The following CDH17 variants were observed in gnomAD, a reference collection of about 807,000 sequenced individuals.
CDH17 encodes the protein cadherin-17.
Under a neutral mutation model 86.3 loss-of-function variants are expected in CDH17, and 67 were observed. The observed-to-expected ratio is 0.78, with a 90% CI of 0.64 to 0.95. CDH17 has a LOEUF of 0.95. Ranked by LOEUF, CDH17 falls within the 40% of genes least tolerant of loss-of-function variation. The probability of loss-of-function intolerance (pLI) is 0.00; values close to 1 mark genes in which losing one functional copy is unlikely to be tolerated. For missense variants in CDH17, 993 were observed against 1,017.6 expected, an observed-to-expected ratio of 0.98 and a Z score of 0.33; for synonymous variants, 367 against 366.4, an observed-to-expected ratio of 1.00 and a Z score of -0.02.
At chr8:94,163,525 T>TC (rs1359040545) in intron 10 of CDH17, among the ~76,000 whole-genome samples, 1 of 152,204 alleles carries the variant, frequency 6.6e-6, no homozygotes, top group Non-Finnish European at 1.5e-5. Flanking sequence ...TGGGGGATGC[T>TC]CCCCTCCCTG....
At chr8:94,194,454 G>T (rs1813742559) in intron 2 of CDH17, among the ~76,000 whole-genome samples, 181 bp downstream of exon 2, 1 of 152,198 alleles carries the variant, frequency 6.6e-6, no homozygotes, top group African/African-American at 2.4e-5. Context: ...CATGTGATTT[G>T]TAGCCATTTC....
At chr8:94,134,282 C>A (rs1406269210) in intron 15 of CDH17, among the ~76,000 whole-genome samples, 1 of 152,158 alleles carries the variant, frequency 6.6e-6, no homozygotes, top group Admixed American at 6.5e-5. Context: ...TCCATCTGAT[C>A]CTGGACTTTT....
intron 1 of CDH17, 32 bp from the exon 2 acceptor site, chr8:94,194,737 T>A: frequency 1.8e-6 from 2 of 1,139,194 alleles, no homozygotes; most frequent in Non-Finnish European, 2.6e-6. Context: ...AAATGGTTAG[T>A]TACCAGTCTG....
chr8:94,129,743 C>CA (rs978442562), intron 17 of CDH17, among the ~76,000 whole-genome samples: 2 of 152,102 alleles, frequency 1.3e-5, no homozygotes, highest in Non-Finnish European at 2.9e-5. Context: ...TTTGGGGTAC[C>CA]AACTTGATGT....
At chr8:94,209,395 A>G (rs564072819), upstream of CDH17, among the ~76,000 whole-genome samples, 41 of 152,122 alleles carry the variant, frequency 2.7e-4, no homozygotes, top group South Asian at 7.7e-3. Context: ...GGACCTTCTC[A>G]TGTTCATTTC....
At chr8:94,191,380 T>C (rs1813686443) in intron 2 of CDH17, among the ~76,000 whole-genome samples, 1 of 151,368 alleles carries the variant, frequency 6.6e-6, no homozygotes, top group Non-Finnish European at 1.5e-5. Context: ...CTGAGGAAAA[T>C]AAACCCCTAT....
intron 1 of CDH17, among the ~76,000 whole-genome samples, chr8:94,200,187 C>T (rs1425853074): frequency 6.6e-6 from 1 of 152,182 alleles, no homozygotes; most frequent in African/African-American, 2.4e-5. Flanking sequence ...CCTACACTTC[C>T]TCCTTCCATG....
At position 94,130,571 on chromosome 8, in the gene CDH17, G is replaced by A. The variant is rs117852687; in HGVS notation, c.2398+55C>T. 655 of 1,213,108 alleles carry A rather than the reference G, an allele frequency of 5.4e-4. 4 individuals are homozygous for A. The highest frequency in any genetic ancestry group is 3.7e-4 in the Non-Finnish European group (313 of 841,912). 75.1% of individuals were successfully genotyped at this position (1,213,108 alleles called of 1,614,324 possible). ...TCCAGGAAGACAGGCCCTGAGATGA[G>A]CTCACATTTCTGAGGCCCAGGATAA... On this transcript the variant is annotated intron_variant, in intron 17 of 17. Coordinates refer to ENST00000027335, the MANE Select transcript of CDH17 (RefSeq NM_004063.4).
chr8:94,146,977 A>C (rs570925454), intron 14 of CDH17, among the ~76,000 whole-genome samples: 23 of 151,788 alleles, frequency 1.5e-4, no homozygotes, highest in African/African-American at 5.6e-4. Flanking sequence ...GTCTATGTCC[A>C]TGGCTATACT....
At chr8:94,157,681 C>A (rs1026282158) in intron 12 of CDH17, among the ~76,000 whole-genome samples, 1 of 152,178 alleles carries the variant, frequency 6.6e-6, no homozygotes, top group Admixed American at 6.5e-5. Context: ...ATTTGGGAGG[C>A]TGAGGCAGGT....
At chr8:94,174,916 AT>A (rs1421071288) in intron 5 of CDH17, among the ~76,000 whole-genome samples, 3 of 152,306 alleles carry the variant, frequency 2.0e-5, no homozygotes, top group East Asian at 1.9e-4. Context: ...GATTAGTGTT[AT>A]TTTTAATGAA....
At chr8:94,200,537 GTT>G (rs10600702) in intron 1 of CDH17, among the ~76,000 whole-genome samples, 5,317 of 55,926 alleles carry the variant, frequency 0.095, 175 homozygotes, top group East Asian at 0.29. Context: ...ATTATCTTTT[GTT>G]TTTTTTTTTT....
intron 3 of CDH17, among the ~76,000 whole-genome samples, chr8:94,182,354 T>C (rs529226665): frequency 1.3e-5 from 2 of 152,200 alleles, no homozygotes; most frequent in Admixed American, 6.5e-5. Flanking sequence ...CTTTTGAATA[T>C]AGGCACAAAA....
At chr8:94,194,564 C>G in intron 2 of CDH17, 71 bp downstream of exon 2, 1 of 1,015,334 alleles carries the variant, frequency 9.8e-7, no homozygotes, top group South Asian at 1.4e-5. Context: ...CATTCTTTCC[C>G]TGGTGTGGGG....
At chr8:94,215,859 C>T (rs1056829512) in intron 1 of CDH17, among the ~76,000 whole-genome samples, 8 of 134,942 alleles carry the variant, frequency 5.9e-5, no homozygotes, top group Admixed American at 7.5e-5. Flanking sequence ...TTTAAGTATA[C>T]GAGGTTTTTT....
chr8:94,180,943 CAAAAA>C, intron 3 of CDH17, among the ~76,000 whole-genome samples: 1 of 69,792 alleles, frequency 1.4e-5, no homozygotes, highest in East Asian at 4.3e-4. Flanking sequence ...ACAAACAAAC[CAAAAA>C]AAAAAAAAAA....
At chr8:94,138,609 T>C (rs896642565) in intron 15 of CDH17, among the ~76,000 whole-genome samples, 4 of 152,134 alleles carry the variant, frequency 2.6e-5, no homozygotes, top group Non-Finnish European at 5.9e-5. Flanking sequence ...TCTTAAGGCT[T>C]TAGCTGAGTA....
In CDH17 at chr8:94,127,938, C is replaced by T. The variant is rs996957882; in HGVS notation, c.*302G>A. 7.3e-6 allele frequency: 2 copies of T among 273,396 alleles called. No homozygotes were observed. Among genetic ancestry groups the T allele is most frequent in the Non-Finnish European group, 1.4e-5 (2 of 143,284 alleles). 16.9% of individuals were successfully genotyped at this position (273,396 alleles called of 1,614,324 possible). A position where few individuals can be genotyped will look rare whatever the true frequency, so the allele number is the denominator to read the frequency against. ...CGAAACCCCGTCTCTATTAAAAATA[C>T]AAAAATTAGCTGGGCATGGTGGTGG... On this transcript the variant is annotated 3_prime_UTR_variant, in exon 18 of 18. Transcript: ENST00000027335.
chr8:94,155,915 C>A lies in CDH17; in HGVS notation c.1552-3803G>T, dbSNP rs568031821. On this transcript the variant is annotated intron_variant, in intron 12 of 17. Transcript: ENST00000027335. The stretch of plus-strand genomic sequence containing the variant: ...TTCCACACCTGGAAAAACATCAAAC[C>A]AAATCTTCTGGAGAAATCATTATAA... Among the ~76,000 whole-genome samples the A allele has an allele frequency of 5.3e-5, 8 of 152,284 alleles. No homozygotes were observed. In the East Asian group the frequency reaches 1.5e-3, roughly 29 times the overall value.
Sources: allele counts gnomAD v4.1 joint callset (sites outside exome capture counted in the v4.1 genomes callset), GRCh38; gene constraint gnomAD v4.1.1; transcripts MANE v1.5; gene names NCBI Gene and HGNC (gene_info 2026-07-23, HGNC 2026-07-21).